DOCK3: variants seen among roughly 807,000 people sequenced by gnomAD.
DOCK3 encodes dedicator of cytokinesis 3.
A neutral mutation model predicts 265.6 loss-of-function variants in DOCK3; 60 were observed. The observed-to-expected ratio is 0.23, with a 90% CI of 0.18 to 0.28. DOCK3 has a LOEUF of 0.28. Among genes scored for constraint, DOCK3 ranks in the 10% least tolerant of loss-of-function variants. DOCK3 has a pLI of 1.00. For synonymous variants in DOCK3, 881 were observed against 938.0 expected (o/e 0.94, Z 1.11); for missense variants, 1,981 against 2,594.3 (o/e 0.76, Z 5.14).
In DOCK3 at chr3:50,741,543, C is replaced by T. The variant is rs866294060; in HGVS notation, c.38-37132C>T. On this transcript the variant is annotated intron_variant, in intron 1 of 52. Coordinates refer to ENST00000266037, the MANE Select transcript of DOCK3 (RefSeq NM_004947.5). ...TGCAGTGTTTGGTTTTTTGTTCTTG[C>T]GATAGTTTACTGAGAATGATGATTT... Among the ~76,000 whole-genome samples the T allele has an allele frequency of 2.3e-4, 35 of 150,150 alleles. No homozygotes were observed. In the East Asian group the frequency reaches 3.6e-3, roughly 15 times the overall value.
chr3:51,203,145 A>G (rs1198677818), intron 12 of DOCK3, among the ~76,000 whole-genome samples: 2 of 152,130 alleles, frequency 1.3e-5, no homozygotes, highest in African/African-American at 2.4e-5. Context: ...CCTATTCAAC[A>G]TAGTGTTGGA....
intron 5 of DOCK3, among the ~76,000 whole-genome samples, chr3:51,024,904 G>A (rs1220109946): frequency 1.3e-5 from 2 of 152,194 alleles, no homozygotes; most frequent in Non-Finnish European, 2.9e-5. Context: ...TTGCCAGGGT[G>A]TTGCAGGCAG....
intron 5 of DOCK3, among the ~76,000 whole-genome samples, chr3:51,009,408 G>T (rs1008690234): frequency 6.6e-6 from 1 of 152,098 alleles, no homozygotes; most frequent in African/African-American, 2.4e-5. Flanking sequence ...TTTTTATAGA[G>T]GTGTTTATAG....
chr3:50,702,995 T>C (rs1445267677), intron 1 of DOCK3, among the ~76,000 whole-genome samples: 1 of 152,210 alleles, frequency 6.6e-6, no homozygotes, highest in Admixed American at 6.5e-5. Flanking sequence ...AGGTGGCTTT[T>C]ATTATGTTGA....
chr3:51,166,799 G>C (rs1233490691), intron 12 of DOCK3, among the ~76,000 whole-genome samples: 1 of 152,020 alleles, frequency 6.6e-6, no homozygotes, highest in African/African-American at 2.4e-5. Context: ...TGCCTGTTTT[G>C]TAATTGAGTT....
chr3:50,683,833 T>TCC (rs1414806327), intron 1 of DOCK3, among the ~76,000 whole-genome samples: 16 of 9,590 alleles, frequency 1.7e-3, no homozygotes, highest in Non-Finnish European at 3.4e-3. Flanking sequence ...CTCCCCGCTC[T>TCC]CCTCCCCCCC....
chr3:51,349,409 T>G (rs1048026970), intron 39 of DOCK3, among the ~76,000 whole-genome samples: 1 of 152,156 alleles, frequency 6.6e-6, no homozygotes, highest in African/African-American at 2.4e-5. Flanking sequence ...AAATTTTTCC[T>G]GGTTGCTGGT....
chr3:50,706,491 T>C (rs2036422297), intron 1 of DOCK3, among the ~76,000 whole-genome samples: 1 of 152,184 alleles, frequency 6.6e-6, no homozygotes, highest in African/African-American at 2.4e-5. Flanking sequence ...TTATATGTTA[T>C]TCGATGCTTT....
At chr3:51,081,957 G>A (rs1038182354) in intron 7 of DOCK3, among the ~76,000 whole-genome samples, 21 of 151,552 alleles carry the variant, frequency 1.4e-4, no homozygotes, top group African/African-American at 5.1e-4. Context: ...AGATGGCTGA[G>A]TAGAGGCACC....
intron 2 of DOCK3, among the ~76,000 whole-genome samples, chr3:50,801,372 G>A (rs978041414): frequency 1.3e-5 from 2 of 152,122 alleles, no homozygotes; most frequent in African/African-American, 4.8e-5. Flanking sequence ...AATGAGTTAG[G>A]GTGCAGCAGG....
At position 50,864,892 on chromosome 3, in the gene DOCK3, G is replaced by A. The variant is rs556805083; in HGVS notation, c.162+23177G>A. Among the ~76,000 whole-genome samples the A allele has an allele frequency of 2.0e-5, 3 of 149,488 alleles. No homozygotes were observed. The South Asian group carries it at 6.4e-4, about 32-fold the overall frequency. ...AGGTATTATGATGCGTCCAGGCTTG[G>A]TTTTTTTTTCCCAGCAGTAGCTATT... On this transcript the variant is annotated intron_variant, in intron 3 of 52. Transcript: ENST00000266037.
intron 4 of DOCK3, among the ~76,000 whole-genome samples, chr3:50,930,452 G>C (rs1470289924): frequency 6.6e-6 from 1 of 152,204 alleles, no homozygotes; most frequent in East Asian, 1.9e-4. Context: ...GACTTGGGCA[G>C]CTGCAGCTGT....
At chr3:50,793,022 T>G (rs1439183488) in intron 2 of DOCK3, among the ~76,000 whole-genome samples, 3 of 152,218 alleles carry the variant, frequency 2.0e-5, no homozygotes, top group Non-Finnish European at 4.4e-5. Context: ...AATTTGGCTG[T>G]GAATTTGTCT....
chr3:50,726,554 T>C (rs2037841347), intron 1 of DOCK3, among the ~76,000 whole-genome samples: 1 of 152,170 alleles, frequency 6.6e-6, no homozygotes, highest in African/African-American at 2.4e-5. Context: ...TGGTAAGCAC[T>C]GAAGGAGAGC....
intron 19 of DOCK3, 61 bp downstream of exon 19, chr3:51,229,670 C>G: frequency 7.8e-7 from 1 of 1,288,728 alleles, no homozygotes; most frequent in South Asian, 2.1e-5. Flanking sequence ...GAAGACCTTA[C>G]TTTGTCATGA....
chr3:51,351,687 A>G (rs1211815092), intron 40 of DOCK3, among the ~76,000 whole-genome samples: 1 of 124,724 alleles, frequency 8.0e-6, no homozygotes, highest in Non-Finnish European at 1.6e-5. Context: ...ACAGAGTTTC[A>G]CTCTTGTTGC....
intron 32 of DOCK3, among the ~76,000 whole-genome samples, chr3:51,321,826 C>A (rs796521703): frequency 2.0e-5 from 3 of 151,912 alleles, no homozygotes; most frequent in African/African-American, 7.2e-5. Context: ...ATATGGGACT[C>A]TGTGAAAAGA....
At chr3:50,690,513 T>C (rs575397314) in intron 1 of DOCK3, among the ~76,000 whole-genome samples, 1 of 152,264 alleles carries the variant, frequency 6.6e-6, no homozygotes, top group Non-Finnish European at 1.5e-5. Flanking sequence ...ATCTCTGGAA[T>C]TTTTTCGTCA....
chr3:50,775,783 T>G (rs2041558622), intron 1 of DOCK3, among the ~76,000 whole-genome samples: 1 of 152,110 alleles, frequency 6.6e-6, no homozygotes, highest in African/African-American at 2.4e-5. Context: ...TCTATTACTC[T>G]GTATGTCTTT....
Sources: gnomAD v4.1 joint callset for allele counts (sites outside exome capture counted in the v4.1 genomes callset) on GRCh38, gnomAD v4.1.1 for gene constraint, MANE v1.5 for transcripts, NCBI Gene and HGNC (gene_info 2026-07-23, HGNC 2026-07-21) for gene names.